The following DOCK1 variants were observed in gnomAD, a reference collection of about 807,000 sequenced individuals.
DOCK1 encodes dedicator of cytokinesis 1, also known as dedicator of cytokinesis protein 1.
DOCK1 carries 138 observed loss-of-function variants against 262.7 expected under a neutral mutation model. The observed-to-expected ratio is 0.53, with a 90% confidence interval of 0.46 to 0.61. The LOEUF (loss-of-function observed/expected upper bound fraction) is 0.61, where lower values mean the gene tolerates loss of function less well. Ranked by LOEUF, DOCK1 falls within the 20% of genes least tolerant of loss-of-function variation. The pLI, the probability that DOCK1 is intolerant of heterozygous loss-of-function variation, is 0.00. For synonymous variants in DOCK1, 866 were observed against 867.4 expected, an observed-to-expected ratio of 1.00 and a Z score of 0.03; for missense variants, 1,908 against 2,370.7, an observed-to-expected ratio of 0.80 and a Z score of 4.05.
At chr10:127,105,037 T>C (rs1015844979) in intron 23 of DOCK1, among the ~76,000 whole-genome samples, 3 of 152,206 alleles carry the variant, frequency 2.0e-5, no homozygotes, top group Non-Finnish European at 4.4e-5. Flanking sequence ...AATTGAATCA[T>C]GAGCAGCAGG....
chr10:127,262,077 G>GAGT (rs879269473), intron 29 of DOCK1, among the ~76,000 whole-genome samples: 1 of 83,918 alleles, frequency 1.2e-5, no homozygotes, highest in Admixed American at 1.3e-4. Context: ...TGTGCATGTG[G>GAGT]GTGTGTGTGT....
chr10:127,257,509 A>T (rs2059868593), intron 29 of DOCK1, 80 bp downstream of exon 29: 1 of 1,326,108 alleles, frequency 7.5e-7, no homozygotes, highest in Non-Finnish European at 1.1e-6. Context: ...TTGCCTGGAG[A>T]CCAAGCTGGC....
In DOCK1 at chr10:127,410,972, C is replaced by T. The variant is rs375725565; in HGVS notation, c.4428+48C>T. The T allele has an allele frequency of 1.8e-4, 287 of 1,576,072 alleles. 1 individual carries two copies. In the South Asian group the frequency reaches 2.4e-3, roughly 13 times the overall value. ...AACCAAACAACAAAAAATATCATTC[C>T]GCCACCAGTAGAACTGCCACTGGAG... On this transcript the variant is annotated intron_variant, in intron 43 of 51. Transcript: ENST00000623213.
chr10:127,223,671 C>T (rs561559880), intron 27 of DOCK1, among the ~76,000 whole-genome samples: 5 of 152,308 alleles, frequency 3.3e-5, no homozygotes, highest in South Asian at 2.1e-4. Context: ...TATTCTTATT[C>T]ACCAAGAAAC....
chr10:127,415,130 T>C (rs1300866277), intron 43 of DOCK1, 22 bp from the exon 44 acceptor site: 4 of 1,606,702 alleles, frequency 2.5e-6, no homozygotes, highest in Non-Finnish European at 3.4e-6. Context: ...ACCCGTGTTG[T>C]GTGTGTGTGT....
chr10:127,276,744 C>T (rs2060756797), intron 29 of DOCK1, among the ~76,000 whole-genome samples: 1 of 141,132 alleles, frequency 7.1e-6, no homozygotes, highest in South Asian at 2.1e-4. Context: ...TGAAATTTTT[C>T]CTATATTATC....
chr10:127,444,201 T>TC lies in DOCK1; in HGVS notation c.5340dup (p.Ser1781LeufsTer141). 1.2e-6 allele frequency: 2 copies of TC among 1,607,368 alleles called. No individual in the cohort carries two copies. Among genetic ancestry groups the TC allele is most frequent in the Non-Finnish European group, 1.7e-6 (2 of 1,177,864 alleles). ...TGGAAGCGAAAGGCGCTTCTCGGTG[T>TC]CCCCCTCGTCACCGTCCTCCCAGCA... On this transcript the variant is annotated frameshift_variant, in exon 50 of 52. Transcript: ENST00000623213. LOFTEE classifies it high-confidence loss of function.
At chr10:126,910,265 A>G (rs1591281293) in intron 1 of DOCK1, among the ~76,000 whole-genome samples, 1 of 152,228 alleles carries the variant, frequency 6.6e-6, no homozygotes, top group South Asian at 2.1e-4. Flanking sequence ...TTTCTATGCC[A>G]TTGTTTGCCT....
At chr10:127,160,737 T>TA (rs1413621156) in intron 27 of DOCK1, among the ~76,000 whole-genome samples, 1 of 152,326 alleles carries the variant, frequency 6.6e-6, no homozygotes, top group East Asian at 1.9e-4. Flanking sequence ...GTTGCAGATA[T>TA]AAAAAAGGCA....
At chr10:127,125,705 G>T (rs2049908535) in intron 26 of DOCK1, 104 bp downstream of exon 26, 2 of 1,456,268 alleles carry the variant, frequency 1.4e-6, no homozygotes, top group African/African-American at 1.4e-5. Context: ...TTGATTTTAA[G>T]GTCTAGCCTC....
At chr10:127,199,925 C>G (rs1004304325) in intron 27 of DOCK1, among the ~76,000 whole-genome samples, 4 of 152,204 alleles carry the variant, frequency 2.6e-5, no homozygotes, top group Non-Finnish European at 5.9e-5. Context: ...CCTGTATCCT[C>G]TCCAGTGTGC....
chr10:126,935,040 G>A (rs2134207532), intron 1 of DOCK1, among the ~76,000 whole-genome samples: 1 of 152,202 alleles, frequency 6.6e-6, no homozygotes, highest in East Asian at 1.9e-4. Flanking sequence ...AACCCAGGAG[G>A]CGGAGCTTGC....
intron 37 of DOCK1, among the ~76,000 whole-genome samples, chr10:127,384,459 C>T (rs1238408026): frequency 1.3e-5 from 2 of 152,200 alleles, no homozygotes; most frequent in Non-Finnish European, 2.9e-5. Flanking sequence ...CCTGGGGTGC[C>T]GCTCTTGGGA....
chr10:127,448,294 A>C (rs2134847304), intron 51 of DOCK1, among the ~76,000 whole-genome samples: 1 of 152,348 alleles, frequency 6.6e-6, no homozygotes, highest in South Asian at 2.1e-4. Flanking sequence ...TGCCACCCAA[A>C]GTGCCTTGTG....
intron 1 of DOCK1, among the ~76,000 whole-genome samples, chr10:126,966,540 AC>A (rs2037693214): frequency 6.6e-6 from 1 of 152,070 alleles, no homozygotes; most frequent in East Asian, 1.9e-4. Context: ...TCTGCACCTC[AC>A]TGGCATTTGT....
intron 25 of DOCK1, among the ~76,000 whole-genome samples, chr10:127,118,055 T>C (rs1419234391): frequency 1.3e-5 from 2 of 152,090 alleles, no homozygotes; most frequent in Non-Finnish European, 1.5e-5. Flanking sequence ...AGGAGGGGAG[T>C]TTGTGCAGGA....
intron 27 of DOCK1, among the ~76,000 whole-genome samples, chr10:127,220,627 T>C (rs1004085129): frequency 6.6e-6 from 1 of 152,014 alleles, no homozygotes; most frequent in African/African-American, 2.4e-5. Flanking sequence ...GAGCCAAGCA[T>C]TGGACAAAGG....
chr10:127,434,894 C>T (rs575602826), intron 48 of DOCK1, among the ~76,000 whole-genome samples: 6 of 152,242 alleles, frequency 3.9e-5, no homozygotes, highest in African/African-American at 7.2e-5. Context: ...CCTCATGATC[C>T]GCCCGCCTCG....
intron 27 of DOCK1, among the ~76,000 whole-genome samples, chr10:127,170,579 G>A (rs930979487): frequency 4.6e-5 from 7 of 152,194 alleles, no homozygotes; most frequent in African/African-American, 1.2e-4. Flanking sequence ...GGCAAAGAGC[G>A]CTGTCGGGGT....
Sources: allele counts gnomAD v4.1 joint callset (sites outside exome capture counted in the v4.1 genomes callset), GRCh38; gene constraint gnomAD v4.1.1; transcripts MANE v1.5; gene names NCBI Gene and HGNC (gene_info 2026-07-23, HGNC 2026-07-21).